Variants in KDM4C observed in about 807,000 individuals in gnomAD.
KDM4C encodes the protein lysine demethylase 4C.
KDM4C carries 81 observed loss-of-function variants against 129.3 expected under a neutral mutation model. That is an observed-to-expected ratio of 0.63 (90% CI 0.52 to 0.75). The LOEUF is 0.75. KDM4C is among the 30% of genes least tolerant of loss of function. KDM4C has a pLI of 0.00. For synonymous variants in KDM4C, 573 were observed against 456.1 expected, an observed-to-expected ratio of 1.26 and a Z score of -3.26; for missense variants, 1,457 against 1,304.0, an observed-to-expected ratio of 1.12 and a Z score of -1.81.
intron 15 of KDM4C, among the ~76,000 whole-genome samples, chr9:7,032,608 C>T (rs1046517918): frequency 2.0e-5 from 3 of 152,216 alleles, no homozygotes; most frequent in Non-Finnish European, 4.4e-5. Context: ...CTTCGTCTAT[C>T]TCAGAAGCCT....
chr9:7,055,288 G>A (rs1483644432), intron 17 of KDM4C, among the ~76,000 whole-genome samples: 1 of 152,144 alleles, frequency 6.6e-6, no homozygotes, highest in Non-Finnish European at 1.5e-5. Context: ...GACCTTTCTA[G>A]GACTTTTACA....
At chr9:6,949,828 C>T (rs931593592) in intron 8 of KDM4C, among the ~76,000 whole-genome samples, 15 of 151,900 alleles carry the variant, frequency 9.9e-5, no homozygotes, top group Non-Finnish European at 1.5e-4. Context: ...AGAGGGAGAC[C>T]GTGGAGGGAG....
intron 15 of KDM4C, among the ~76,000 whole-genome samples, chr9:7,034,345 C>T (rs373839156): frequency 1.3e-5 from 2 of 152,164 alleles, no homozygotes; most frequent in African/African-American, 2.4e-5. Context: ...TAACACATCT[C>T]TCCCAATTCC....
At chr9:7,131,647 A>C (rs1297272107) in intron 19 of KDM4C, among the ~76,000 whole-genome samples, 2 of 152,130 alleles carry the variant, frequency 1.3e-5, no homozygotes, top group Non-Finnish European at 2.9e-5. Flanking sequence ...TCATGGATTT[A>C]ATTGCTAAGA....
At chr9:6,768,283 A>G (rs1053396150) in intron 1 of KDM4C, among the ~76,000 whole-genome samples, 1 of 151,502 alleles carries the variant, frequency 6.6e-6, no homozygotes, top group South Asian at 2.1e-4. Flanking sequence ...AAATGATCAC[A>G]TAGTTTTTGG....
intron 5 of KDM4C, among the ~76,000 whole-genome samples, chr9:6,865,708 G>A (rs1159416299): frequency 2.0e-5 from 3 of 151,948 alleles, no homozygotes; most frequent in Non-Finnish European, 4.4e-5. Flanking sequence ...GGGATTACAG[G>A]CATGTGCCAC....
At chr9:7,068,952 C>T (rs1016387130) in intron 17 of KDM4C, among the ~76,000 whole-genome samples, 3 of 152,032 alleles carry the variant, frequency 2.0e-5, no homozygotes, top group Non-Finnish European at 4.4e-5. Context: ...CTGCCTCAGC[C>T]TCCCAAAGTG....
intron 1 of KDM4C, among the ~76,000 whole-genome samples, chr9:6,740,983 C>G (rs986405481): frequency 6.8e-6 from 1 of 146,576 alleles, no homozygotes. Context: ...TGCCACCATG[C>G]CTGGCTAATT....
At chr9:7,128,261 G>C (rs1206073451) in intron 19 of KDM4C, 25 bp downstream of exon 19, 4 of 1,500,340 alleles carry the variant, frequency 2.7e-6, no homozygotes, top group Non-Finnish European at 3.6e-6. Context: ...TTGAGTGCCT[G>C]CTACCCAGAG....
intron 8 of KDM4C, among the ~76,000 whole-genome samples, chr9:6,932,168 G>A (rs776982820): frequency 6.6e-6 from 1 of 152,178 alleles, no homozygotes; most frequent in Non-Finnish European, 1.5e-5. Flanking sequence ...AAGAGAAAGT[G>A]GCATTTGGTG....
intron 1 of KDM4C, among the ~76,000 whole-genome samples, chr9:6,734,349 C>T (rs1221862712): frequency 7.2e-6 from 1 of 139,408 alleles, no homozygotes; most frequent in East Asian, 2.1e-4. Flanking sequence ...GGCTGGAGTG[C>T]AATGGCGTGG....
intron 8 of KDM4C, among the ~76,000 whole-genome samples, chr9:6,951,121 A>G (rs1208486763): frequency 1.3e-5 from 2 of 152,126 alleles, no homozygotes; most frequent in African/African-American, 2.4e-5. Flanking sequence ...TATAGTGATC[A>G]GTCAGGGTAA....
At chr9:7,125,580 C>G (rs1287432277) in intron 18 of KDM4C, among the ~76,000 whole-genome samples, 1 of 152,218 alleles carries the variant, frequency 6.6e-6, no homozygotes, top group Non-Finnish European at 1.5e-5. Context: ...GCATAACACT[C>G]TGTACACTAC....
At chr9:6,864,500 G>C (rs1238641766) in intron 5 of KDM4C, among the ~76,000 whole-genome samples, 2 of 151,962 alleles carry the variant, frequency 1.3e-5, no homozygotes, top group Non-Finnish European at 2.9e-5. Context: ...GGTCATATCT[G>C]TTTGGTGATC....
intron 8 of KDM4C, among the ~76,000 whole-genome samples, chr9:6,954,481 C>T (rs186820027): frequency 6.7e-4 from 102 of 152,286 alleles, no homozygotes; most frequent in Non-Finnish European, 1.2e-3. Flanking sequence ...CTACTCTTGA[C>T]AAGTCTCAGA....
At chr9:7,095,232 G>A (rs78112105) in intron 17 of KDM4C, among the ~76,000 whole-genome samples, 3,292 of 152,240 alleles carry the variant, frequency 0.022, 114 homozygotes, top group African/African-American at 0.07. Context: ...ATGTGTTTCA[G>A]TAAACATACA....
chr9:6,873,893 C>G (rs115261757), intron 5 of KDM4C, among the ~76,000 whole-genome samples: 1 of 151,080 alleles, frequency 6.6e-6, no homozygotes, highest in Non-Finnish European at 1.5e-5. Flanking sequence ...TTTTCTTGAA[C>G]ACTTAGAGGC....
In KDM4C at chr9:7,076,316, G is replaced by C. The variant is rs140187168; in HGVS notation, c.2424+27116G>C. On this transcript the variant is annotated intron_variant, in intron 17 of 21. Transcript: ENST00000381309. ...ACAGTTTATTCAAGGAATACATATG[G>C]GAAGTGTCTGAGCTGGGATTAAATT... 534 of 698,988 alleles carry C rather than the reference G, an allele frequency of 7.6e-4. 4 individuals are homozygous for C. In the African/African-American group the frequency reaches 7.7e-3, roughly 10 times the overall value. 43.3% of individuals were successfully genotyped at this position (698,988 alleles called of 1,614,324 possible). A position where few individuals can be genotyped will look rare whatever the true frequency, so the allele number is the denominator to read the frequency against.
rs904787953 is a variant in KDM4C, at chr9:6,762,656, C to T, written c.-18+4453C>T. ...TAATATATAATATAATATATTAGGT[C>T]ATTGTCTTTTTTTTTTTTTAAGATG... On this transcript the variant is annotated intron_variant, in intron 1 of 21. Coordinates refer to ENST00000381309, the MANE Select transcript of KDM4C (RefSeq NM_015061.6). Among the ~76,000 whole-genome samples, 6 of 146,558 alleles carry T rather than the reference C, an allele frequency of 4.1e-5. No individual in the cohort carries two copies. The East Asian group carries it at 5.9e-4, about 14-fold the overall frequency.
Sources: gnomAD v4.1 joint callset for allele counts (sites outside exome capture counted in the v4.1 genomes callset) on GRCh38, gnomAD v4.1.1 for gene constraint, MANE v1.5 for transcripts, NCBI Gene and HGNC (gene_info 2026-07-23, HGNC 2026-07-21) for gene names.